HYDIN: variants seen among roughly 807,000 people sequenced by gnomAD.
The protein encoded by HYDIN is HYDIN axonemal central pair apparatus protein.
A neutral mutation model predicts 403.9 loss-of-function variants in HYDIN; 132 were observed. The observed-to-expected ratio is 0.33, with a 90% CI of 0.28 to 0.38. HYDIN has a LOEUF of 0.38. HYDIN is among the 10% of genes least tolerant of loss of function. The pLI is 1.00. For synonymous variants in HYDIN, 1,202 were observed against 1,891.7 expected (o/e 0.64, Z 9.46); for missense variants, 2,827 against 5,009.5 (o/e 0.56, Z 13.15).
intron 9 of HYDIN, among the ~76,000 whole-genome samples, chr16:71,119,544 G>A (rs2144483511): frequency 7.4e-6 from 1 of 135,356 alleles, no homozygotes; most frequent in Non-Finnish European, 1.6e-5. Flanking sequence ...CTGAGCCCGA[G>A]AGATAAAGGA....
At chr16:70,834,577 G>A (rs2037241774) in intron 78 of HYDIN, among the ~76,000 whole-genome samples, 1 of 152,040 alleles carries the variant, frequency 6.6e-6, no homozygotes. Context: ...GTTGGGTGCC[G>A]TGGCTCACGC....
intron 1 of HYDIN, among the ~76,000 whole-genome samples, chr16:71,224,232 G>C (rs990045463): frequency 6.6e-6 from 1 of 152,162 alleles, no homozygotes; most frequent in Admixed American, 6.5e-5. Context: ...TTATAAGTGG[G>C]AGCTAAGCTA....
At chr16:71,197,472 G>A (rs2087757336) in intron 1 of HYDIN, among the ~76,000 whole-genome samples, 1 of 152,134 alleles carries the variant, frequency 6.6e-6, no homozygotes, top group African/African-American at 2.4e-5. Flanking sequence ...TTGAGCAGGT[G>A]ATAAATTTTA....
intron 45 of HYDIN, among the ~76,000 whole-genome samples, chr16:70,931,155 C>A (rs1189545847): frequency 2.0e-5 from 3 of 148,444 alleles, no homozygotes; most frequent in African/African-American, 7.4e-5. Context: ...TACATGTGAG[C>A]AAATAAATTT....
At chr16:70,979,757 C>A (rs2144014113) in intron 29 of HYDIN, among the ~76,000 whole-genome samples, 1 of 152,226 alleles carries the variant, frequency 6.6e-6, no homozygotes, top group East Asian at 1.9e-4. Context: ...CATGACAAAA[C>A]CCCGTCTCTA....
rs980976827 is a variant in HYDIN, at chr16:70,849,771, T to C, written c.12828A>G (p.Gln4276=). 1.3e-6 allele frequency: 1 copy of C among 772,322 alleles called. No individual in the cohort carries two copies. The highest frequency in any genetic ancestry group is 1.8e-5 in the African/African-American group (1 of 56,138). The allele number at this position is 772,322 out of a possible 1,614,324, so 47.8% of individuals were successfully genotyped here. Residue 4276 remains glutamine (Q), a synonymous_variant, in exon 75 of 86, where the codon CAA becomes CAG. Transcript: ENST00000393567. Reference sequence around the variant, plus strand: ...CTGTCAAGACACACTTCTTTAATGGTTGAAAAGACAGGGTGGCATGTACAC... The same window carrying C: ...CTGTCAAGACACACTTCTTTAATGGCTGAAAAGACAGGGTGGCATGTACAC... ...GQSVHATLSF[Q]PLKKCVLTDL...
chr16:70,807,798 C>CCATGTGATAGAA lies in HYDIN; in HGVS notation c.15136_15147dup (p.Phe5046_Met5049dup). ...TTATCCACGATGATGGAGAAGGTCA[C>CCATGTGATAGAA]CATGTGATAGAAGACATTCTTGAAG... On this transcript the variant is annotated inframe_insertion, in exon 86 of 86. Coordinates refer to ENST00000393567, the MANE Select transcript of HYDIN (RefSeq NM_001270974.2). 6.2e-7 allele frequency: 1 copy of CCATGTGATAGAA among 1,614,128 alleles called. No homozygotes were observed. The highest frequency in any genetic ancestry group is 8.5e-7 in the Non-Finnish European group (1 of 1,180,034).
chr16:71,186,939 T>A, intron 1 of HYDIN, 21 bp from the exon 2 acceptor site: 1 of 1,542,750 alleles, frequency 6.5e-7, no homozygotes. Flanking sequence ...AACAAAAATG[T>A]CTTAGAACAA....
intron 3 of HYDIN, among the ~76,000 whole-genome samples, chr16:71,183,866 C>T (rs559809011): frequency 6.6e-6 from 1 of 152,204 alleles, no homozygotes; most frequent in East Asian, 1.9e-4. Flanking sequence ...CTGATTTCCT[C>T]ATCCTTTATA....
chr16:71,133,419 G>T, intron 8 of HYDIN: 1 of 372,264 alleles, frequency 2.7e-6, no homozygotes, highest in Non-Finnish European at 5.2e-6. Flanking sequence ...AAACCCTAGG[G>T]AAGGAAAGGG....
At chr16:70,951,242 AAGGGACAG>A (rs1333898302) in intron 41 of HYDIN, among the ~76,000 whole-genome samples, 13 of 84,072 alleles carry the variant, frequency 1.5e-4, no homozygotes, top group Admixed American at 3.6e-4. Context: ...CTCTAGGGAA[AAGGGACAG>A]AGAGAGAGAG....
intron 84 of HYDIN, among the ~76,000 whole-genome samples, chr16:70,810,481 TAAAC>T (rs2035410536): frequency 6.6e-6 from 1 of 152,200 alleles, no homozygotes; most frequent in African/African-American, 2.4e-5. Context: ...GAAGATTAGT[TAAAC>T]AAATTACAGT....
chr16:70,875,010 A>T, intron 62 of HYDIN, 91 bp from the exon 63 acceptor site: 1 of 1,240,826 alleles, frequency 8.1e-7, no homozygotes, highest in African/African-American at 1.5e-5. Context: ...TGTTTGGGGC[A>T]GGACCCCAAA....
intron 3 of HYDIN, among the ~76,000 whole-genome samples, chr16:71,183,264 A>T (rs1377787197): frequency 2.0e-5 from 3 of 152,140 alleles, no homozygotes; most frequent in Non-Finnish European, 4.4e-5. Context: ...CACAGAGGAT[A>T]GCCTAATGAA....
intron 53 of HYDIN, among the ~76,000 whole-genome samples, chr16:70,898,647 G>A (rs1275081251): frequency 6.6e-6 from 1 of 152,110 alleles, no homozygotes; most frequent in Admixed American, 6.5e-5. Flanking sequence ...TTTAAAGGCA[G>A]AACAGGCTGC....
At chr16:70,881,029 C>T (rs1259774593) in intron 60 of HYDIN, among the ~76,000 whole-genome samples, 3 of 145,690 alleles carry the variant, frequency 2.1e-5, no homozygotes, top group Non-Finnish European at 3.0e-5. Flanking sequence ...AGTTCGAGAC[C>T]AACCTGGTCA....
rs1388971266 is a variant in HYDIN at position 71,230,645 on chromosome 16, T to C, written c.-107A>G. 6.5e-7 allele frequency: 1 copy of C among 1,536,030 alleles called. No homozygotes were observed. Among genetic ancestry groups the C allele is most frequent in the Admixed American group, 2.0e-5 (1 of 50,982 alleles). On this transcript the variant is annotated 5_prime_UTR_variant, in exon 1 of 86. Coordinates refer to ENST00000393567, the MANE Select transcript of HYDIN (RefSeq NM_001270974.2). ...TCCAACTCACAGACCCCGCCGCCGC[T>C]GAGGGGCTCCATACCCAGCTTGAAG...
chr16:70,954,928 C>T (rs1160283011), intron 40 of HYDIN, among the ~76,000 whole-genome samples: 1 of 152,210 alleles, frequency 6.6e-6, no homozygotes, highest in Non-Finnish European at 1.5e-5. Flanking sequence ...ATGTCCTTGT[C>T]CCCATCTTTG....
chr16:71,209,285 G>C (rs2088462377), intron 1 of HYDIN, among the ~76,000 whole-genome samples: 2 of 150,824 alleles, frequency 1.3e-5, no homozygotes, highest in Admixed American at 6.6e-5. Flanking sequence ...CAGAACTGAA[G>C]ACAAAAACCA....
Sources: gnomAD v4.1 joint callset for allele counts (sites outside exome capture counted in the v4.1 genomes callset) on GRCh38, gnomAD v4.1.1 for gene constraint, MANE v1.5 for transcripts, NCBI Gene and HGNC (gene_info 2026-07-23, HGNC 2026-07-21) for gene names.